RBFOX1: variants seen among roughly 807,000 people sequenced by gnomAD.
RBFOX1 encodes RNA binding fox-1 homolog 1.
In RBFOX1, 8 loss-of-function variants were observed where a neutral mutation model predicts 57.7. The ratio of observed to expected loss-of-function variants is 0.14; its 90% CI spans 0.08 to 0.25. The LOEUF is 0.25. Ranked by LOEUF, RBFOX1 falls within the 10% of genes least tolerant of loss-of-function variation. The pLI is 1.00. For missense variants in RBFOX1, 611 were observed against 548.5 expected, an observed-to-expected ratio of 1.11 and a Z score of -1.14; for synonymous variants, 326 against 222.4, an observed-to-expected ratio of 1.47 and a Z score of -4.15.
intron 3 of RBFOX1, among the ~76,000 whole-genome samples, chr16:6,711,034 C>T (rs758161909): frequency 8.5e-5 from 13 of 152,124 alleles, no homozygotes; most frequent in Non-Finnish European, 1.3e-4. Context: ...ATACAATCTG[C>T]CTTAAAGGTT....
intron 2 of RBFOX1, among the ~76,000 whole-genome samples, chr16:6,604,737 A>G (rs1282928989): frequency 1.3e-5 from 2 of 152,202 alleles, no homozygotes; most frequent in African/African-American, 2.4e-5. Context: ...ATAACATTCT[A>G]CAATTCAATA....
At chr16:7,072,732 A>T (rs995916906) in intron 4 of RBFOX1, among the ~76,000 whole-genome samples, 1 of 152,252 alleles carries the variant, frequency 6.6e-6, no homozygotes, top group Non-Finnish European at 1.5e-5. Context: ...ATGAAGCATC[A>T]TTTTCAGGCA....
At chr16:6,652,398 A>G (rs985905792) in intron 2 of RBFOX1, among the ~76,000 whole-genome samples, 1 of 152,042 alleles carries the variant, frequency 6.6e-6, no homozygotes, top group African/African-American at 2.4e-5. Context: ...CAGTGAGCCA[A>G]GATCTCGCCA....
At chr16:6,159,531 C>G (rs567327597) in intron 1 of RBFOX1, among the ~76,000 whole-genome samples, 3 of 152,160 alleles carry the variant, frequency 2.0e-5, no homozygotes, top group Admixed American at 6.5e-5. Flanking sequence ...AGTTCCAGTG[C>G]ACACAGCACA....
At chr16:7,221,427 C>G (rs942349813) in intron 4 of RBFOX1, among the ~76,000 whole-genome samples, 1 of 151,594 alleles carries the variant, frequency 6.6e-6, no homozygotes, top group African/African-American at 2.4e-5. Context: ...AGTGCAGTGG[C>G]CCAATCTTGG....
At chr16:6,063,509 C>A (rs1310142016) in intron 1 of RBFOX1, among the ~76,000 whole-genome samples, 2 of 114,442 alleles carry the variant, frequency 1.7e-5, no homozygotes, top group East Asian at 2.7e-4. Flanking sequence ...ACACACACCC[C>A]CTTATATTTT....
chr16:7,304,486 G>A, intron 4 of RBFOX1: 1 of 985,286 alleles, frequency 1.0e-6, no homozygotes, highest in Non-Finnish European at 1.2e-6. Context: ...CTTACAGCAG[G>A]TAAGGCGCGC....
At chr16:5,308,680 C>A (rs1373079392) in intron 1 of RBFOX1, among the ~76,000 whole-genome samples, 1 of 151,914 alleles carries the variant, frequency 6.6e-6, no homozygotes, top group Non-Finnish European at 1.5e-5. Flanking sequence ...AGTAAGATGA[C>A]CTTTTTTTTT....
At chr16:6,672,082 C>T (rs138230371) in intron 3 of RBFOX1, among the ~76,000 whole-genome samples, 4 of 152,146 alleles carry the variant, frequency 2.6e-5, no homozygotes, top group Non-Finnish European at 5.9e-5. Context: ...TAATCACATT[C>T]GGTTTCAAAG....
At chr16:5,637,082 C>T (rs552712039) in intron 3 of RBFOX1, among the ~76,000 whole-genome samples, 42 of 152,346 alleles carry the variant, frequency 2.8e-4, no homozygotes, top group Non-Finnish European at 5.1e-4. Context: ...CCCTTATTAT[C>T]TCTGCATCAT....
At chr16:6,916,996 C>A (rs936883236) in intron 3 of RBFOX1, among the ~76,000 whole-genome samples, 1 of 152,030 alleles carries the variant, frequency 6.6e-6, no homozygotes, top group South Asian at 2.1e-4. Context: ...ATTACACATG[C>A]ATGCCATCAC....
At chr16:5,575,808 GC>G (rs1422062508) in intron 2 of RBFOX1, among the ~76,000 whole-genome samples, 1 of 151,494 alleles carries the variant, frequency 6.6e-6, no homozygotes, top group African/African-American at 2.4e-5. Context: ...GCTGGAATGT[GC>G]CCAGAGAATC....
chr16:7,566,700 T>C (rs1312674590), intron 5 of RBFOX1, among the ~76,000 whole-genome samples: 1 of 152,152 alleles, frequency 6.6e-6, no homozygotes, highest in East Asian at 1.9e-4. Context: ...TTTCACATTT[T>C]GCTTATAAAC....
intron 1 of RBFOX1, among the ~76,000 whole-genome samples, chr16:5,274,833 T>C (rs537510455): frequency 6.6e-6 from 1 of 152,308 alleles, no homozygotes; most frequent in East Asian, 1.9e-4. Flanking sequence ...CTGTTTCCCT[T>C]TCTGCCTGTG....
intron 4 of RBFOX1, among the ~76,000 whole-genome samples, chr16:6,008,492 A>C (rs190141553): frequency 1.3e-5 from 2 of 152,176 alleles, no homozygotes; most frequent in Non-Finnish European, 2.9e-5. Context: ...GGAGGTGATA[A>C]ATGTGGATTA....
intron 1 of RBFOX1, among the ~76,000 whole-genome samples, chr16:5,357,505 C>T (rs995213385): frequency 3.3e-5 from 5 of 152,170 alleles, no homozygotes; most frequent in Admixed American, 3.3e-4. Flanking sequence ...CTTCAGGATT[C>T]CCCACCAGAA....
intron 2 of RBFOX1, among the ~76,000 whole-genome samples, chr16:6,644,766 G>C (rs2092909853): frequency 6.6e-6 from 1 of 152,174 alleles, no homozygotes; most frequent in South Asian, 2.1e-4. Context: ...AGCAGCCTGT[G>C]ATTGCCCTGG....
chr16:6,196,798 CT>C lies in RBFOX1; in HGVS notation c.-126-120185del, dbSNP rs36091163. ...ATCATGCTAATAATGTCTGGTTCAT[CT>C]TTTTTTTTTTTCTCCCTGTTTACAT... On this transcript the variant is annotated intron_variant, in intron 1 of 15. Transcript: ENST00000550418. 4.5e-3 allele frequency among the ~76,000 whole-genome samples: 650 copies of C among 145,618 alleles called. 4 individuals are homozygous for C. The highest frequency in any genetic ancestry group is 0.012 in the African/African-American group (475 of 40,058).
intron 4 of RBFOX1, among the ~76,000 whole-genome samples, chr16:7,324,847 AT>A (rs111322361): frequency 0.035 from 5,272 of 152,230 alleles, 238 homozygotes; most frequent in African/African-American, 0.1. Context: ...GTTACTTCTG[AT>A]TTAAAGGTAC....
Sources: allele counts gnomAD v4.1 joint callset (sites outside exome capture counted in the v4.1 genomes callset), GRCh38; gene constraint gnomAD v4.1.1; transcripts MANE v1.5; gene names NCBI Gene and HGNC (gene_info 2026-07-23, HGNC 2026-07-21).